Variants in KCNA6 observed in about 807,000 individuals in gnomAD.
The protein encoded by KCNA6 is human brain potassium channel-2.
Under a neutral mutation model 29.5 loss-of-function variants are expected in KCNA6, and 17 were observed. The ratio of observed to expected loss-of-function variants is 0.58; its 90% CI spans 0.39 to 0.86. The LOEUF is 0.86. KCNA6 is among the 40% of genes least tolerant of loss of function. The pLI is 0.00. For missense variants in KCNA6, 450 were observed against 703.4 expected (o/e 0.64, Z 4.07); for synonymous variants, 296 against 304.7 (o/e 0.97, Z 0.30).
chr12:4,836,366 G>A, the KCNA6 span, among the ~76,000 whole-genome samples: 1 of 152,162 alleles, frequency 6.6e-6, no homozygotes, highest in African/African-American at 2.4e-5. Flanking sequence ...AGGTGGTCTG[G>A]GTAAGTGAGG....
the KCNA6 span, among the ~76,000 whole-genome samples, chr12:4,820,546 A>ACACACACACACACAC: frequency 7.4e-6 from 1 of 134,674 alleles, no homozygotes. Flanking sequence ...GGATTACCTA[A>ACACACACACACACAC]ACACACACAC....
At chr12:4,843,782 C>T in the KCNA6 span, among the ~76,000 whole-genome samples, 1 of 152,084 alleles carries the variant, frequency 6.6e-6, no homozygotes, top group East Asian at 1.9e-4. Context: ...TTAAAACAAC[C>T]AGATATCATG....
At chr12:4,816,857 T>C (rs1360292374), downstream of KCNA6, among the ~76,000 whole-genome samples, 6 of 152,204 alleles carry the variant, frequency 3.9e-5, no homozygotes, top group Non-Finnish European at 4.4e-5. Context: ...TCCCAGACTC[T>C]GATCCCCTCT....
the KCNA6 span, among the ~76,000 whole-genome samples, chr12:4,823,274 G>C: frequency 1.3e-5 from 2 of 152,148 alleles, no homozygotes; most frequent in Non-Finnish European, 2.9e-5. Flanking sequence ...CATGTAGTCA[G>C]TAGAAAAATG....
At position 4,810,260 on chromosome 12, in the gene KCNA6, A is replaced by G. The variant is rs530870351; in HGVS notation, c.219A>G (p.Arg73=). ...CGCTGCTCGGAGACCCTGGCCGGCG[A>G]GTCCGCTTCTTCGACCCCCTGAGGA... Residue 73 remains arginine, a synonymous_variant, in exon 1 of 1, where the codon CGA becomes CGG. Transcript: ENST00000280684. This position sits in a 1 kb window ranked among gnomAD's most constrained non-coding sequence, Gnocchi z 7.5. 5 of 1,614,006 alleles carry G rather than the reference A, an allele frequency of 3.1e-6. No individual in the cohort carries two copies. The highest frequency in any genetic ancestry group is 3.4e-6 in the Non-Finnish European group (4 of 1,180,028).
the KCNA6 span, chr12:4,842,421 G>C: frequency 6.6e-6 from 1 of 152,198 alleles, no homozygotes; most frequent in South Asian, 2.1e-4. Flanking sequence ...TCAAGTGGTG[G>C]GGTGGTGAAA....
At chr12:4,848,761 T>G in the KCNA6 span, among the ~76,000 whole-genome samples, 133 of 152,300 alleles carry the variant, frequency 8.7e-4, no homozygotes, top group African/African-American at 2.9e-3. Flanking sequence ...CCCAACTTTT[T>G]AATCAGCCAT....
rs746795686 is a variant in KCNA6, at chr12:4,810,951, A to G, written c.910A>G (p.Ile304Val). 5.0e-6 allele frequency: 8 copies of G among 1,614,084 alleles called. No individual in the cohort carries two copies. The highest frequency in any genetic ancestry group is 6.8e-6 in the Non-Finnish European group (8 of 1,180,040). ...CATGAACATCATTGACTTGGTGGCT[A>G]TCTTCCCCTACTTCATCACCCTGGG... Residue 304 changes from isoleucine to valine, a missense_variant, in exon 1 of 1, where the codon ATC becomes GTC. Transcript: ENST00000280684. This position sits in a 1 kb window ranked among gnomAD's most constrained non-coding sequence, Gnocchi z 7.5.
the KCNA6 span, among the ~76,000 whole-genome samples, chr12:4,836,518 C>A: frequency 6.6e-6 from 1 of 152,062 alleles, no homozygotes; most frequent in Non-Finnish European, 1.5e-5. Flanking sequence ...ATGGCTTGAA[C>A]AAAGGTATGG....
At chr12:4,840,091 T>A in the KCNA6 span, among the ~76,000 whole-genome samples, 27 of 152,292 alleles carry the variant, frequency 1.8e-4, no homozygotes, top group East Asian at 4.2e-3. Context: ...TGATAAACTC[T>A]ATATGAAAGG....
At chr12:4,848,421 C>T in the KCNA6 span, among the ~76,000 whole-genome samples, 1 of 151,768 alleles carries the variant, frequency 6.6e-6, no homozygotes, top group Non-Finnish European at 1.5e-5. Context: ...TATTTTCATC[C>T]ACTATTCTGA....
downstream of KCNA6, among the ~76,000 whole-genome samples, chr12:4,817,501 T>C (rs1483684733): frequency 6.6e-6 from 1 of 152,206 alleles, no homozygotes; most frequent in South Asian, 2.1e-4. Context: ...TTGGTCTTCT[T>C]GGTCCTCATC....
At chr12:4,827,215 T>TCCTTCCTC in the KCNA6 span, among the ~76,000 whole-genome samples, 1 of 138,972 alleles carries the variant, frequency 7.2e-6, no homozygotes, top group Non-Finnish European at 1.6e-5. Flanking sequence ...CCTCCTTCCT[T>TCCTTCCTC]CCTTCCTTCC....
the KCNA6 span, among the ~76,000 whole-genome samples, chr12:4,832,931 G>C: frequency 6.6e-6 from 1 of 152,084 alleles, no homozygotes; most frequent in Non-Finnish European, 1.5e-5. Flanking sequence ...CACCTCAGGG[G>C]GGTCAACAAC....
chr12:4,835,934 G>GTTTTTTTTTT, the KCNA6 span, among the ~76,000 whole-genome samples: 5 of 137,200 alleles, frequency 3.6e-5, no homozygotes, highest in African/African-American at 1.3e-4. Context: ...AAAAGTCGCT[G>GTTTTTTTTTT]TTTTTTTTTT....
At chr12:4,828,397 T>C in the KCNA6 span, among the ~76,000 whole-genome samples, 4 of 152,240 alleles carry the variant, frequency 2.6e-5, no homozygotes, top group African/African-American at 4.8e-5. Flanking sequence ...CCACTTCCTA[T>C]TGGACGTTCA....
the KCNA6 span, among the ~76,000 whole-genome samples, chr12:4,845,984 G>GGGT: frequency 1.5e-5 from 2 of 129,486 alleles, no homozygotes; most frequent in African/African-American, 5.9e-5. Context: ...GAATTTTAGA[G>GGGT]TTTTTTTTTT....
chr12:4,818,838 GCACACA>G, the KCNA6 span, among the ~76,000 whole-genome samples: 17 of 148,740 alleles, frequency 1.1e-4, no homozygotes, highest in South Asian at 1.1e-3. Flanking sequence ...CCCTGAAAGT[GCACACA>G]CACACACACA....
At position 4,810,191 on chromosome 12, in the gene KCNA6, G is replaced by T; in HGVS notation, c.150G>T (p.Leu50=). ...GGCTGGTGATCAATATCTCCGGGCT[G>T]CGCTTTGAGACACAATTGCGCACCC... The change falls in exon 1 of 1, where the codon CTG becomes CTT. Residue 50 remains leucine, a synonymous_variant. Transcript: ENST00000280684. This position sits in a 1 kb window ranked among gnomAD's most constrained non-coding sequence, Gnocchi z 7.5. 6.2e-7 allele frequency: 1 copy of T among 1,613,160 alleles called. No homozygotes were observed. Among genetic ancestry groups the T allele is most frequent in the South Asian group, 1.1e-5 (1 of 91,040 alleles).
Sources: gnomAD v4.1 joint callset for allele counts (sites outside exome capture counted in the v4.1 genomes callset) on GRCh38, gnomAD v4.1.1 for gene constraint, Gnocchi (gnomAD v3.1) non-coding constraint, MANE v1.5 for transcripts, NCBI Gene and HGNC (gene_info 2026-07-23, HGNC 2026-07-21) for gene names.